SND1: variants seen among roughly 807,000 people sequenced by gnomAD.
The protein encoded by SND1 is staphylococcal nuclease domain-containing protein 1.
In SND1, 38 loss-of-function variants were observed where a neutral mutation model predicts 121.7. The observed-to-expected ratio is 0.31, with a 90% CI of 0.24 to 0.41. The LOEUF is 0.41. SND1 is among the 10% of genes least tolerant of loss of function. SND1 has a pLI of 1.00. For synonymous variants in SND1, 401 were observed against 447.4 expected (o/e 0.90, Z 1.31); for missense variants, 868 against 1,184.6 (o/e 0.73, Z 3.92).
chr7:127,929,470 GTTTC>G, intron 15 of SND1, 141 bp downstream of exon 15: 1 of 829,908 alleles, frequency 1.2e-6, no homozygotes, highest in Non-Finnish European at 1.9e-6. Context: ...TGCAAACACA[GTTTC>G]TAGATTGGAT....
At chr7:127,744,531 C>T (rs970358359) in intron 10 of SND1, among the ~76,000 whole-genome samples, 2 of 152,100 alleles carry the variant, frequency 1.3e-5, no homozygotes, top group Non-Finnish European at 2.9e-5. Context: ...GTTTCTTGGC[C>T]TATTCTGTAT....
chr7:127,728,859 C>G lies in SND1; in HGVS notation c.1152+7459C>G, dbSNP rs1330978866. Among the ~76,000 whole-genome samples, 3 of 152,224 alleles carry G rather than the reference C, an allele frequency of 2.0e-5. No homozygotes were observed. In the East Asian group the frequency reaches 5.8e-4, roughly 29 times the overall value. ...TTGACTGCTCTGACAGCCATCTTGA[C>G]TTGAGCCAATGTGCTGGTATCTAAC... is the stretch of plus-strand genomic sequence containing the variant. On this transcript the variant is annotated intron_variant, in intron 10 of 23. Coordinates refer to ENST00000354725, the MANE Select transcript of SND1 (RefSeq NM_014390.4).
At chr7:128,078,356 G>A (rs1793542392) in intron 17 of SND1, among the ~76,000 whole-genome samples, 1 of 152,264 alleles carries the variant, frequency 6.6e-6, no homozygotes, top group Non-Finnish European at 1.5e-5. Context: ...TAGAAACACA[G>A]TTCCTTTATC....
intron 10 of SND1, among the ~76,000 whole-genome samples, chr7:127,774,564 C>G (rs1032944812): frequency 1.3e-5 from 2 of 151,900 alleles, no homozygotes; most frequent in Non-Finnish European, 2.9e-5. Context: ...ACCATACAAG[C>G]ATATCATTTT....
intron 10 of SND1, among the ~76,000 whole-genome samples, chr7:127,761,089 A>T (rs1797297465): frequency 6.6e-6 from 1 of 152,148 alleles, no homozygotes; most frequent in Admixed American, 6.5e-5. Flanking sequence ...TCACATCTCC[A>T]TATGGTTTTC....
chr7:128,062,975 A>G (rs1793255361), intron 16 of SND1, among the ~76,000 whole-genome samples: 1 of 152,178 alleles, frequency 6.6e-6, no homozygotes, highest in Admixed American at 6.5e-5. Flanking sequence ...ATGCTTCCTG[A>G]GGTGACTGTG....
chr7:127,739,352 T>G (rs938230934), intron 10 of SND1, among the ~76,000 whole-genome samples: 4 of 152,344 alleles, frequency 2.6e-5, no homozygotes, highest in East Asian at 1.9e-4. Flanking sequence ...TTTTACTGAT[T>G]AGTGAAATAT....
intron 11 of SND1, among the ~76,000 whole-genome samples, chr7:127,814,884 T>C: frequency 6.6e-6 from 1 of 152,186 alleles, no homozygotes; most frequent in East Asian, 1.9e-4. Flanking sequence ...AGTTGGGTGA[T>C]AGAAGTGATA....
chr7:128,004,038 C>CT (rs34590935), intron 16 of SND1, among the ~76,000 whole-genome samples: 10,097 of 131,010 alleles, frequency 0.077, 448 homozygotes, highest in Middle Eastern at 0.21. Flanking sequence ...AACTTACTTT[C>CT]TTTTTTTTTT....
intron 12 of SND1, among the ~76,000 whole-genome samples, chr7:127,851,901 A>G (rs901775623): frequency 1.3e-5 from 2 of 152,260 alleles, no homozygotes; most frequent in Admixed American, 6.5e-5. Context: ...TCACGCCTAT[A>G]ATCCCAGCAC....
At chr7:127,925,711 C>A (rs2116811250) in intron 14 of SND1, among the ~76,000 whole-genome samples, 1 of 151,254 alleles carries the variant, frequency 6.6e-6, no homozygotes. Context: ...TCAAGCGATT[C>A]TCCTGCCTCA....
At chr7:127,847,515 G>T (rs1024714432) in intron 12 of SND1, among the ~76,000 whole-genome samples, 1 of 151,894 alleles carries the variant, frequency 6.6e-6, no homozygotes, top group African/African-American at 2.4e-5. Context: ...TTAAATCTTT[G>T]CTGTCTGGGC....
intron 13 of SND1, among the ~76,000 whole-genome samples, chr7:127,901,809 T>C (rs984076731): frequency 2.0e-5 from 3 of 152,220 alleles, no homozygotes; most frequent in South Asian, 2.1e-4. Context: ...ATTTTAAGTG[T>C]GAAAAAATTG....
chr7:127,931,981 A>G (rs1033237105), intron 15 of SND1, among the ~76,000 whole-genome samples: 5 of 152,232 alleles, frequency 3.3e-5, no homozygotes, highest in African/African-American at 1.2e-4. Context: ...AAAGAGTTGT[A>G]CAAGAAGATT....
chr7:128,066,073 G>T (rs534928750), intron 16 of SND1, among the ~76,000 whole-genome samples: 6 of 152,204 alleles, frequency 3.9e-5, no homozygotes, highest in Non-Finnish European at 8.8e-5. Flanking sequence ...GTTAGCGCTC[G>T]CAAAGGCCTG....
chr7:127,652,197 T>C lies in SND1; in HGVS notation c.-177T>C, dbSNP rs1587568347. 1.5e-6 allele frequency: 1 copy of C among 659,222 alleles called. No individual in the cohort carries two copies. Among genetic ancestry groups the C allele is most frequent in the Non-Finnish European group, 2.8e-6 (1 of 361,816 alleles). 40.8% of individuals were successfully genotyped at this position (659,222 alleles called of 1,614,324 possible). On this transcript the variant is annotated 5_prime_UTR_variant, in exon 1 of 24. Coordinates refer to ENST00000354725, the MANE Select transcript of SND1 (RefSeq NM_014390.4). ...GTGGCGGCGGCGGAGATCGCGTCTC[T>C]TTCGCTCCGTGTCCCGCTGCTGCTC...
At chr7:127,696,286 A>G (rs187314713) in intron 3 of SND1, among the ~76,000 whole-genome samples, 4 of 152,310 alleles carry the variant, frequency 2.6e-5, no homozygotes, top group Admixed American at 6.5e-5. Context: ...CCTTTGAGGC[A>G]TCTTGTTCGA....
At chr7:127,770,042 G>GCT (rs1189485923) in intron 10 of SND1, among the ~76,000 whole-genome samples, 2 of 152,214 alleles carry the variant, frequency 1.3e-5, no homozygotes, top group African/African-American at 4.8e-5. Flanking sequence ...TTGGGACCTT[G>GCT]CTGCTGCCTA....
At position 127,700,941 on chromosome 7, in the gene SND1, T is replaced by C. The variant is rs1473350281; in HGVS notation, c.429-222T>C. On this transcript the variant is annotated intron_variant, in intron 4 of 23. Coordinates refer to ENST00000354725, the MANE Select transcript of SND1 (RefSeq NM_014390.4). ...GTGTTCTTTAGATCGTCTCATTAAA[T>C]ACTCTTACTATTTAACCTTTTGTTT... Among the ~76,000 whole-genome samples, 3 of 152,200 alleles carry C rather than the reference T, an allele frequency of 2.0e-5. No individual in the cohort carries two copies. In the East Asian group the frequency reaches 5.8e-4, roughly 29 times the overall value.
Sources: allele counts gnomAD v4.1 joint callset (sites outside exome capture counted in the v4.1 genomes callset), GRCh38; gene constraint gnomAD v4.1.1; transcripts MANE v1.5; gene names NCBI Gene and HGNC (gene_info 2026-07-23, HGNC 2026-07-21).